The following PTH2R variants were observed in gnomAD, a reference collection of about 807,000 sequenced individuals.
PTH2R encodes parathyroid hormone 2 receptor.
Under a neutral mutation model 60.3 loss-of-function variants are expected in PTH2R, and 59 were observed. The ratio of observed to expected loss-of-function variants is 0.98; its 90% CI spans 0.79 to 1.22. PTH2R has a LOEUF of 1.22. Among genes scored for constraint, PTH2R ranks in the 50% most tolerant of loss-of-function variants. PTH2R has a pLI of 0.00. For missense variants in PTH2R, 749 were observed against 682.6 expected (o/e 1.10, Z -1.08); for synonymous variants, 256 against 243.8 (o/e 1.05, Z -0.47).
At chr2:208,397,638 G>A (rs917933016) in intron 1 of PTH2R, among the ~76,000 whole-genome samples, 2 of 152,226 alleles carry the variant, frequency 1.3e-5, no homozygotes, top group Non-Finnish European at 2.9e-5. Context: ...TTTATATGAG[G>A]AGGCTGGAGG....
At chr2:208,399,279 T>C (rs1701265498) in intron 1 of PTH2R, among the ~76,000 whole-genome samples, 1 of 152,144 alleles carries the variant, frequency 6.6e-6, no homozygotes, top group South Asian at 2.1e-4. Flanking sequence ...GTTAACTCAG[T>C]AGGTCTGGGT....
At chr2:208,409,230 C>A (rs1701490292) in intron 1 of PTH2R, among the ~76,000 whole-genome samples, 1 of 152,190 alleles carries the variant, frequency 6.6e-6, no homozygotes, top group African/African-American at 2.4e-5. Flanking sequence ...TTTACATTGA[C>A]AAACTGATAC....
At chr2:208,418,765 C>A (rs923250397) in intron 1 of PTH2R, among the ~76,000 whole-genome samples, 1 of 151,922 alleles carries the variant, frequency 6.6e-6, no homozygotes, top group African/African-American at 2.4e-5. Context: ...AGGTAGCATT[C>A]AATTTATACT....
intron 1 of PTH2R, among the ~76,000 whole-genome samples, chr2:208,368,025 AC>A (rs1458004692): frequency 1.8e-3 from 15 of 8,176 alleles, no homozygotes; most frequent in Non-Finnish European, 2.7e-3. Flanking sequence ...TCTCTCAAAG[AC>A]AAACAATTAC....
chr2:208,475,632 T>C (rs1333180002), intron 9 of PTH2R, among the ~76,000 whole-genome samples: 1 of 152,244 alleles, frequency 6.6e-6, no homozygotes, highest in Non-Finnish European at 1.5e-5. Flanking sequence ...TGCAGAGATT[T>C]TGACCTTTAA....
intron 1 of PTH2R, among the ~76,000 whole-genome samples, chr2:208,426,639 A>G (rs76916182): frequency 0.046 from 7,031 of 152,162 alleles, 328 homozygotes; most frequent in African/African-American, 0.11. Context: ...TCTGATAGTG[A>G]GTTAGTCTCA....
chr2:208,365,940 ATATATATATATATATATATATTTTTTTTT>A (rs1700573921), intron 1 of PTH2R, among the ~76,000 whole-genome samples: 1 of 13,518 alleles, frequency 7.4e-5, no homozygotes, highest in Non-Finnish European at 1.5e-4. Context: ...ATATATATAT[ATATATATATATATATATATATTTTTTTTT>A]TTTTTTTTTT....
chr2:208,458,362 G>A (rs1447538627), intron 8 of PTH2R, among the ~76,000 whole-genome samples: 1 of 152,256 alleles, frequency 6.6e-6, no homozygotes, highest in East Asian at 1.9e-4. Context: ...TTTAAATTAA[G>A]TACTGTTAAA....
At chr2:208,382,034 TC>T (rs1700924517) in intron 1 of PTH2R, among the ~76,000 whole-genome samples, 1 of 152,130 alleles carries the variant, frequency 6.6e-6, no homozygotes, top group South Asian at 2.1e-4. Context: ...GGGAGTGGTA[TC>T]CACAGTCAAG....
intron 9 of PTH2R, among the ~76,000 whole-genome samples, chr2:208,480,566 T>G (rs1703123192): frequency 6.6e-6 from 1 of 152,160 alleles, no homozygotes. Context: ...TTGACTACAC[T>G]GGGAGCCTTT....
intron 10 of PTH2R, among the ~76,000 whole-genome samples, chr2:208,486,585 T>C (rs1471084728): frequency 6.6e-6 from 1 of 151,980 alleles, no homozygotes; most frequent in Non-Finnish European, 1.5e-5. Context: ...GGAGGAAATA[T>C]AATTTTTGTT....
At chr2:208,385,956 C>T (rs1001121007) in intron 1 of PTH2R, among the ~76,000 whole-genome samples, 10 of 152,228 alleles carry the variant, frequency 6.6e-5, no homozygotes, top group African/African-American at 2.4e-4. Context: ...ACTCAGAGAT[C>T]CACAAATCTG....
chr2:208,488,485 G>A (rs527739823), intron 10 of PTH2R, among the ~76,000 whole-genome samples: 6 of 152,022 alleles, frequency 3.9e-5, no homozygotes, highest in Non-Finnish European at 5.9e-5. Context: ...CAGAAAAAAG[G>A]CATTTTACAA....
intron 9 of PTH2R, among the ~76,000 whole-genome samples, chr2:208,464,159 C>A (rs535685581): frequency 1.4e-4 from 22 of 152,206 alleles, no homozygotes; most frequent in Non-Finnish European, 2.6e-4. Flanking sequence ...TAAGCTCTCA[C>A]TTTTGTAATT....
At chr2:208,376,082 A>G (rs1700786204) in intron 1 of PTH2R, among the ~76,000 whole-genome samples, 1 of 152,142 alleles carries the variant, frequency 6.6e-6, no homozygotes, top group Admixed American at 6.5e-5. Flanking sequence ...TAACAATTCT[A>G]AAAGGAATTA....
At chr2:208,420,291 A>G (rs1423182396) in intron 1 of PTH2R, among the ~76,000 whole-genome samples, 2 of 150,782 alleles carry the variant, frequency 1.3e-5, no homozygotes, top group Admixed American at 6.6e-5. Flanking sequence ...ATAATAATTA[A>G]AAAAAAAAGA....
At chr2:208,446,377 CT>C (rs1431295234) in intron 7 of PTH2R, among the ~76,000 whole-genome samples, 1 of 152,140 alleles carries the variant, frequency 6.6e-6, no homozygotes, top group Non-Finnish European at 1.5e-5. Flanking sequence ...GGTTTCTTAC[CT>C]TCCTTTACAG....
intron 1 of PTH2R, among the ~76,000 whole-genome samples, chr2:208,397,612 C>T (rs559860393): frequency 1.2e-4 from 18 of 152,208 alleles, no homozygotes; most frequent in Admixed American, 4.6e-4. Flanking sequence ...ACCCTGAGTG[C>T]GGTGAAAAAC....
chr2:208,462,527 A>C (rs1185464866), intron 9 of PTH2R, among the ~76,000 whole-genome samples: 1 of 152,182 alleles, frequency 6.6e-6, no homozygotes, highest in Non-Finnish European at 1.5e-5. Context: ...CTTGAAGCAC[A>C]CACAGAAATC....
Sources: allele counts gnomAD v4.1 joint callset (sites outside exome capture counted in the v4.1 genomes callset), GRCh38; gene constraint gnomAD v4.1.1; transcripts MANE v1.5; gene names NCBI Gene and HGNC (gene_info 2026-07-23, HGNC 2026-07-21).